The following SCRIB variants were observed in gnomAD, a reference collection of about 807,000 sequenced individuals.
The protein encoded by SCRIB is protein scribble homolog.
SCRIB carries 72 observed loss-of-function variants against 170.0 expected under a neutral mutation model. The ratio of observed to expected loss-of-function variants is 0.42; its 90% confidence interval spans 0.35 to 0.52. The LOEUF is 0.52. SCRIB is among the 20% of genes least tolerant of loss of function. The pLI is 0.02. For missense variants in SCRIB, 2,475 were observed against 2,338.5 expected, an observed-to-expected ratio of 1.06 and a Z score of -1.20; for synonymous variants, 1,298 against 1,044.3, an observed-to-expected ratio of 1.24 and a Z score of -4.68.
intron 24 of SCRIB, among the ~76,000 whole-genome samples, chr8:143,802,525 G>A (rs1815217277): frequency 6.6e-6 from 1 of 152,262 alleles, no homozygotes; most frequent in Non-Finnish European, 1.5e-5. Flanking sequence ...GGCCCCTCCA[G>A]GTGAAGGCCC....
intron 1 of SCRIB, chr8:143,814,955 C>T (rs181164287): frequency 6.5e-5 from 32 of 495,826 alleles, no homozygotes; most frequent in Admixed American, 5.0e-4. Context: ...CCTGAATCCC[C>T]ACGGGTTTCA....
Position 143,792,338 on chromosome 8 carries a change from G to A in SCRIB, c.4396C>T (p.Arg1466Cys). The change falls in exon 32 of 37, where the codon CGC (arginine) becomes TGC (cysteine). Residue 1466 changes from arginine to cysteine, a missense_variant. By Grantham distance (180) the Arg-to-Cys change is radical. This residue lies in a region of SCRIB where 1,966 missense variants were observed against 1,742.9 expected (regional missense o/e 1.13). Transcript: ENST00000356994. ...APVRTAKAER[R>C]HQERLRVQSP... is the part of the protein sequence containing the mutation. ...TGCACGCGCAGCCGCTCCTGGTGGC[G>A]CCGTTCAGCTTTGGCCGTCCGCACC... 12 of 1,544,192 alleles carry A rather than the reference G, an allele frequency of 7.8e-6. No homozygotes were observed. Among genetic ancestry groups the A allele is most frequent in the Non-Finnish European group, 9.6e-6 (11 of 1,151,406 alleles).
At position 143,803,566 on chromosome 8, in the gene SCRIB, G is replaced by A. The variant is rs782206312; in HGVS notation, c.3420C>T (p.Ser1140=). 1 of 1,552,204 alleles carries A rather than the reference G, an allele frequency of 6.4e-7. No homozygotes were observed. The highest frequency in any genetic ancestry group is 1.1e-5 in the South Asian group (1 of 89,670). The stretch of plus-strand genomic sequence containing the variant: ...CGTCGCGCCCGGCTGCCCCCGTGGG[G>A]CTCACCTGTGGGGAGACGTGGTATG... ...TDEGIFISKV[S]PTGAAGRDGR... Residue 1140 remains serine, a synonymous_variant, in exon 24 of 37, where the codon AGC becomes AGT. Transcript: ENST00000356994.
Position 143,809,039 on chromosome 8 carries a change from AG to A in SCRIB, c.1699-15del, listed in dbSNP as rs756377830. The A allele has an allele frequency of 6.3e-7, 1 of 1,598,606 alleles. No individual in the cohort carries two copies. Among genetic ancestry groups the A allele is most frequent in the Non-Finnish European group, 8.5e-7 (1 of 1,172,332 alleles). ...ATGCACCGTGGGCTGTGCGGACAAAAGGGTGAGGGTGGCCCCAGCTCTGTGG... is the reference window on the plus strand; with the variant it reads ...ATGCACCGTGGGCTGTGCGGACAAAAGGTGAGGGTGGCCCCAGCTCTGTGG... On this transcript the variant is annotated splice_polypyrimidine_tract_variant and intron_variant, in intron 14 of 36. Coordinates refer to ENST00000356994, the MANE Select transcript of SCRIB (RefSeq NM_182706.5).
chr8:143,804,502 G>C (rs933144088), intron 21 of SCRIB, 66 bp downstream of exon 21: 3 of 1,451,028 alleles, frequency 2.1e-6, no homozygotes, highest in Non-Finnish European at 2.7e-6. Context: ...AAGAGAGCAG[G>C]TCCTGGGAAG....
At chr8:143,812,405 G>A (rs1815777721) in intron 8 of SCRIB, 21 bp from the exon 9 acceptor site, 15 of 1,556,568 alleles carry the variant, frequency 9.6e-6, no homozygotes, top group Non-Finnish European at 1.2e-5. Context: ...GGAGACAGGG[G>A]GACAAGGCTG....
At chr8:143,808,051 G>T (rs1815510626) in intron 15 of SCRIB, among the ~76,000 whole-genome samples, 1 of 152,222 alleles carries the variant, frequency 6.6e-6, no homozygotes. Context: ...GGCACCTCAG[G>T]AGGGCCCGAC....
intron 9 of SCRIB, 145 bp downstream of exon 9, chr8:143,812,121 C>T (rs1031520441): frequency 2.5e-5 from 18 of 722,822 alleles, no homozygotes; most frequent in South Asian, 4.6e-5. Context: ...GCATGCTCCC[C>T]CTCTGACAAG....
rs781934791 is a variant in SCRIB at position 143,792,474 on chromosome 8, C to T, written c.4328+11G>A. The T allele has an allele frequency of 5.2e-5, 80 of 1,527,732 alleles. 1 individual carries two copies. In the South Asian group the frequency reaches 7.1e-4, roughly 14 times the overall value. The allele number at this position is 1,527,732 out of a possible 1,614,324, so 94.6% of individuals were successfully genotyped here. ...GGGTGAGTAGGGGGCGTCTGGTGGGCGGGTGCTCACCTTGAGGTGGGGCTC... is the reference window on the plus strand; with the variant it reads ...GGGTGAGTAGGGGGCGTCTGGTGGGTGGGTGCTCACCTTGAGGTGGGGCTC... On this transcript the variant is annotated intron_variant, in intron 31 of 36. Transcript: ENST00000356994.
chr8:143,807,518 G>A (rs1815482681), intron 16 of SCRIB, 34 bp downstream of exon 16: 7 of 1,570,856 alleles, frequency 4.5e-6, no homozygotes, highest in East Asian at 4.5e-5. Context: ...GGCCAGCAGC[G>A]GCCCGGCCAG....
intron 24 of SCRIB, 96 bp from the exon 25 acceptor site, chr8:143,795,626 G>A (rs1814911360): frequency 1.9e-6 from 2 of 1,079,280 alleles, no homozygotes; most frequent in East Asian, 5.2e-5. Flanking sequence ...GTCAGCAACG[G>A]TGAGCCCAGG....
In SCRIB at chr8:143,795,917, C is replaced by G. The variant is rs1287833305; in HGVS notation, c.3604-387G>C. ...AGGCACTGGAACTGATGGGGCAGAA[C>G]GGCCCCCTCGGGTGGAAAGGCTGGC... On this transcript the variant is annotated intron_variant, in intron 24 of 36. Transcript: ENST00000356994. 2.0e-5 allele frequency among the ~76,000 whole-genome samples: 3 copies of G among 152,216 alleles called. No homozygotes were observed. In the East Asian group the frequency reaches 5.8e-4, roughly 29 times the overall value.
intron 1 of SCRIB, 57 bp downstream of exon 1, chr8:143,815,157 G>A: frequency 2.1e-6 from 3 of 1,459,794 alleles, no homozygotes; most frequent in East Asian, 2.9e-5. Context: ...TTCTGCCGCC[G>A]GAGGAATCAC....
Position 143,808,975 on chromosome 8 carries a change from C to T in SCRIB, c.1749G>A (p.Glu583=), listed in dbSNP as rs144419509. Residue 583 remains glutamate, a synonymous_variant, in exon 15 of 37, where the codon GAG becomes GAA. Coordinates refer to ENST00000356994, the MANE Select transcript of SCRIB (RefSeq NM_182706.5). The part of the protein sequence containing the change: ...EDALLPGDDR[E]IEEGQPEAPW... ...GGGCCTCAGGCTGCCCCTCCTCGAT[C>T]TCCCTGTCATCCCCGGGCAGCAGTG... 6.6e-5 allele frequency: 107 copies of T among 1,613,344 alleles called. No individual in the cohort carries two copies. The African/African-American group carries it at 1.3e-3, about 19-fold the overall frequency.
In SCRIB at chr8:143,810,715, C is replaced by T. The variant is rs138716612; in HGVS notation, c.1375G>A (p.Asp459Asn). The T allele has an allele frequency of 8.5e-5, 137 of 1,606,638 alleles. No homozygotes were observed. The highest frequency in any genetic ancestry group is 3.3e-4 in the Admixed American group (20 of 59,872). The change falls in exon 12 of 37, where the codon GAC (aspartate) becomes AAC (asparagine). Residue 459 changes from aspartate to asparagine, a missense_variant. Coordinates refer to ENST00000356994, the MANE Select transcript of SCRIB (RefSeq NM_182706.5). ...TTCTCAGCTGCAGCTTCCTCAGCGT[C>T]CTCATCACCTATGGGGGCCTCCAGG... ...QFLEAPIGDE[D>N]AEEAAAEKRG...
At chr8:143,807,655 G>A (rs781888450) in intron 15 of SCRIB, 41 bp from the exon 16 acceptor site, 11 of 1,508,760 alleles carry the variant, frequency 7.3e-6, no homozygotes, top group East Asian at 4.5e-5. Context: ...GTTAGCCACC[G>A]CCAAGACCAC....
At chr8:143,814,905 G>A (rs201399260) in intron 1 of SCRIB, 159 of 394,830 alleles carry the variant, frequency 4.0e-4, no homozygotes, top group Non-Finnish European at 1.1e-4. Flanking sequence ...GTACTCATCA[G>A]CCACCTGAAT....
At chr8:143,806,661 G>A (rs1238665177) in intron 17 of SCRIB, among the ~76,000 whole-genome samples, 177 bp from the exon 18 acceptor site, 1 of 152,228 alleles carries the variant, frequency 6.6e-6, no homozygotes, top group Admixed American at 6.5e-5. Context: ...GAAGGAGCAC[G>A]TCAGCCCCGA....
intron 18 of SCRIB, among the ~76,000 whole-genome samples, chr8:143,806,174 C>A (rs782510338): frequency 6.6e-6 from 1 of 152,190 alleles, no homozygotes; most frequent in Non-Finnish European, 1.5e-5. Context: ...CAAAGATGAG[C>A]AATCAGGGCG....
Sources: allele counts gnomAD v4.1 joint callset (sites outside exome capture counted in the v4.1 genomes callset), GRCh38; gene constraint gnomAD v4.1.1; regional missense constraint gnomAD v4.1.1; transcripts MANE v1.5; gene names NCBI Gene and HGNC (gene_info 2026-07-23, HGNC 2026-07-21).